IMMP2L: variants seen among roughly 807,000 people sequenced by gnomAD.
IMMP2L encodes the protein inner mitochondrial membrane peptidase subunit 2.
Under a neutral mutation model 19.3 loss-of-function variants are expected in IMMP2L, and 18 were observed. That is an observed-to-expected ratio of 0.93 (90% CI 0.64 to 1.38). IMMP2L has a LOEUF of 1.38. Among genes scored for constraint, IMMP2L ranks in the 40% most tolerant of loss-of-function variants. The pLI is 0.00. For missense variants in IMMP2L, 233 were observed against 218.2 expected (o/e 1.07, Z -0.43); for synonymous variants, 76 against 73.0 (o/e 1.04, Z -0.21).
chr7:110,960,045 T>C (rs1025096951), intron 4 of IMMP2L, among the ~76,000 whole-genome samples: 16 of 152,020 alleles, frequency 1.1e-4, no homozygotes, highest in South Asian at 6.2e-4. Flanking sequence ...CCAATAATGA[T>C]CCATCTGAGT....
intron 5 of IMMP2L, among the ~76,000 whole-genome samples, chr7:110,800,327 C>T (rs556573284): frequency 4.6e-5 from 7 of 152,112 alleles, no homozygotes; most frequent in Admixed American, 3.3e-4. Flanking sequence ...GCTCCCCTCC[C>T]GCCCAAAGCT....
At chr7:111,384,157 G>A (rs1179244961) in intron 3 of IMMP2L, among the ~76,000 whole-genome samples, 2 of 151,606 alleles carry the variant, frequency 1.3e-5, no homozygotes, top group African/African-American at 4.8e-5. Flanking sequence ...AAATGATGAA[G>A]AAGAAGGAGG....
chr7:111,153,626 A>G lies in IMMP2L; in HGVS notation c.240-190061T>C, dbSNP rs550151339. 1.3e-3 allele frequency among the ~76,000 whole-genome samples: 198 copies of G among 152,204 alleles called. 3 individuals carry two copies. The highest frequency in any genetic ancestry group is 2.1e-3 in the Non-Finnish European group (145 of 67,950). On this transcript the variant is annotated intron_variant, in intron 3 of 5. Transcript: ENST00000405709. ...TTATACTGTACTTGGAAACATAGTAAAAGTATCTAAAATTGCAAATGAAAA... is the reference window on the plus strand; with the variant it reads ...TTATACTGTACTTGGAAACATAGTAGAAGTATCTAAAATTGCAAATGAAAA...
intron 3 of IMMP2L, among the ~76,000 whole-genome samples, chr7:111,452,307 T>C (rs1243587838): frequency 6.6e-6 from 1 of 152,118 alleles, no homozygotes; most frequent in Non-Finnish European, 1.5e-5. Flanking sequence ...TCAAGATATA[T>C]AGAGTTTTGC....
At chr7:111,289,476 T>C (rs747142349) in intron 3 of IMMP2L, among the ~76,000 whole-genome samples, 35 of 151,508 alleles carry the variant, frequency 2.3e-4, no homozygotes, top group Admixed American at 1.3e-4. Flanking sequence ...TGATCTTGAA[T>C]GCTATGGTAA....
intron 4 of IMMP2L, among the ~76,000 whole-genome samples, chr7:110,953,596 C>G (rs922728237): frequency 2.0e-5 from 3 of 152,044 alleles, no homozygotes; most frequent in Admixed American, 6.6e-5. Flanking sequence ...GGTTCCAAGT[C>G]TTTGCTATTG....
intron 3 of IMMP2L, among the ~76,000 whole-genome samples, chr7:110,988,799 T>C (rs1822128620): frequency 6.6e-6 from 1 of 152,162 alleles, no homozygotes; most frequent in South Asian, 2.1e-4. Flanking sequence ...AAAAACATGA[T>C]GTTGTAGAAT....
intron 5 of IMMP2L, among the ~76,000 whole-genome samples, chr7:110,729,293 G>T (rs577607130): frequency 3.9e-5 from 6 of 152,214 alleles, no homozygotes; most frequent in Non-Finnish European, 8.8e-5. Context: ...GAGGCCTCAA[G>T]AAACTTATAA....
chr7:111,422,617 G>A (rs949825344), intron 3 of IMMP2L, among the ~76,000 whole-genome samples: 1 of 151,844 alleles, frequency 6.6e-6, no homozygotes, highest in Non-Finnish European at 1.5e-5. Context: ...GAGATTTTGG[G>A]TTGAGACGAT....
intron 3 of IMMP2L, among the ~76,000 whole-genome samples, chr7:111,417,542 T>C (rs1835069292): frequency 6.6e-6 from 1 of 151,892 alleles, no homozygotes; most frequent in South Asian, 2.1e-4. Context: ...GGTCCTGATA[T>C]GAAGGTTCGT....
At chr7:111,116,108 G>A (rs888556398) in intron 3 of IMMP2L, among the ~76,000 whole-genome samples, 2 of 152,172 alleles carry the variant, frequency 1.3e-5, no homozygotes, top group African/African-American at 4.8e-5. Context: ...TCAGGAGAGA[G>A]AATTGTGCTA....
intron 1 of IMMP2L, among the ~76,000 whole-genome samples, chr7:111,551,245 T>G (rs1208821312): frequency 6.6e-6 from 1 of 152,166 alleles, no homozygotes; most frequent in Non-Finnish European, 1.5e-5. Context: ...CAAAGACCTA[T>G]GTCTCAGAAT....
At chr7:110,699,918 T>C (rs1794154526) in intron 5 of IMMP2L, among the ~76,000 whole-genome samples, 1 of 152,076 alleles carries the variant, frequency 6.6e-6, no homozygotes, top group African/African-American at 2.4e-5. Flanking sequence ...GGTAAAGACC[T>C]AAAGGCAGTC....
At position 111,233,188 on chromosome 7, in the gene IMMP2L, T is replaced by C. The variant is rs576784556; in HGVS notation, c.239+254050A>G. On this transcript the variant is annotated intron_variant, in intron 3 of 5. Coordinates refer to ENST00000405709, the MANE Select transcript of IMMP2L (RefSeq NM_032549.4). ...CAATGCATGCACATAAGTTAGCCAC[T>C]TTTTAAAATGAGTAATCCCTTTACA... Among the ~76,000 whole-genome samples, 22 of 152,278 alleles carry C rather than the reference T, an allele frequency of 1.4e-4. No homozygotes were observed. In the South Asian group the frequency reaches 3.9e-3, roughly 27 times the overall value.
At chr7:110,856,364 G>C (rs926807115) in intron 5 of IMMP2L, among the ~76,000 whole-genome samples, 1 of 151,900 alleles carries the variant, frequency 6.6e-6, no homozygotes, top group East Asian at 1.9e-4. Context: ...CTTAGCTAAG[G>C]GCAGAATAAT....
intron 5 of IMMP2L, among the ~76,000 whole-genome samples, chr7:110,792,721 C>T (rs370772259): frequency 6.3e-4 from 96 of 152,198 alleles, no homozygotes; most frequent in Middle Eastern, 6.8e-3. Flanking sequence ...AAAGGTCACT[C>T]TTAATGTTGT....
intron 3 of IMMP2L, among the ~76,000 whole-genome samples, chr7:111,205,431 G>C (rs1810592847): frequency 6.6e-6 from 1 of 152,114 alleles, no homozygotes; most frequent in Non-Finnish European, 1.5e-5. Flanking sequence ...GTTGTCCAAA[G>C]AACTTCTCTA....
At chr7:111,521,217 G>T in intron 2 of IMMP2L, 96 bp downstream of exon 2, 3 of 1,317,734 alleles carry the variant, frequency 2.3e-6, no homozygotes, top group Non-Finnish European at 3.1e-6. Context: ...TAACCTTTCA[G>T]TTCCCAGAAT....
chr7:110,920,339 C>G (rs114920167), intron 4 of IMMP2L, among the ~76,000 whole-genome samples: 1,892 of 152,218 alleles, frequency 0.012, 34 homozygotes, highest in African/African-American at 0.043. Context: ...GGTAGGGACA[C>G]AGAAAGATGT....
Sources: allele counts gnomAD v4.1 joint callset (sites outside exome capture counted in the v4.1 genomes callset), GRCh38; gene constraint gnomAD v4.1.1; transcripts MANE v1.5; gene names NCBI Gene and HGNC (gene_info 2026-07-23, HGNC 2026-07-21).